Variants in IGFBPL1 observed in about 807,000 individuals in gnomAD.
IGFBPL1 encodes the protein insulin-like growth factor-binding protein-like 1.
In IGFBPL1, 20 loss-of-function variants were observed where a neutral mutation model predicts 23.9. That is an observed-to-expected ratio of 0.84 (90% CI 0.59 to 1.22). IGFBPL1 has a LOEUF of 1.22. Among genes scored for constraint, IGFBPL1 ranks in the 50% most tolerant of loss-of-function variants. IGFBPL1 has a pLI of 0.00. For missense variants in IGFBPL1, 436 were observed against 379.3 expected, an observed-to-expected ratio of 1.15 and a Z score of -1.24; for synonymous variants, 184 against 171.8, an observed-to-expected ratio of 1.07 and a Z score of -0.56.
rs1342310498 is a variant in IGFBPL1 at position 38,414,150 on chromosome 9, C to T, written c.514G>A (p.Val172Met). 7.4e-6 allele frequency: 12 copies of T among 1,612,346 alleles called. No homozygotes were observed. Among genetic ancestry groups the T allele is most frequent in the Admixed American group, 1.7e-5 (1 of 59,732 alleles). The change falls in exon 2 of 5, where the codon GTG becomes ATG. Residue 172 changes from valine (V) to methionine (M), a missense_variant. Physicochemically the swap from Val to Met is conservative, Grantham distance 21 (BLOSUM62 1). Transcript: ENST00000377694. ...RSVHNVTGAQVGLSCEVRAVP... is the reference protein window; with the variant it reads ...RSVHNVTGAQMGLSCEVRAVP... ...GCCCTCACTTCACAGGACAGGCCCA[C>T]CTGCGCCCCGGTGACGTTGTGAACA...
rs766425983 is a variant in IGFBPL1, at chr9:38,413,003, C to T, written c.687+234G>A. 5.9e-5 allele frequency among the ~76,000 whole-genome samples: 9 copies of T among 152,158 alleles called. No individual in the cohort carries two copies. In the South Asian group the frequency reaches 1.7e-3, roughly 28 times the overall value. On this transcript the variant is annotated intron_variant, in intron 3 of 4. Coordinates refer to ENST00000377694, the MANE Select transcript of IGFBPL1 (RefSeq NM_001007563.3). ...CACCACCTTGCCATGTAACATCGTACGGTTCTGGGGGTGAGGACGTGGTGG... is the reference window on the plus strand; with the variant it reads ...CACCACCTTGCCATGTAACATCGTATGGTTCTGGGGGTGAGGACGTGGTGG...
Position 38,413,778 on chromosome 9 carries a change from T to C in IGFBPL1, c.570+316A>G, listed in dbSNP as rs181897222. 2.6e-5 allele frequency among the ~76,000 whole-genome samples: 4 copies of C among 152,112 alleles called. No homozygotes were observed. The South Asian group carries it at 8.3e-4, about 32-fold the overall frequency. On this transcript the variant is annotated intron_variant, in intron 2 of 4. Transcript: ENST00000377694. ...AAGTGAAGCAGGATACACACACACA[T>C]GGCCACCGCAGCTGAAGCAGACTGG...
In IGFBPL1 at chr9:38,411,537, G is replaced by A. The variant is rs375493692; in HGVS notation, c.700C>T (p.Arg234Ter). The stretch of plus-strand genomic sequence containing the variant: ...TGGTACACACCCTCATCCTCCTTTC[G>A]CAGGGGGTTGATCTAGAAATACAAC... ...ATAWILINPL[R>*]KEDEGVYQCH... The change falls in exon 4 of 5, where the codon CGA becomes TGA. Residue 234 changes from arginine to a stop codon, truncating the protein, a stop_gained. Coordinates refer to ENST00000377694, the MANE Select transcript of IGFBPL1 (RefSeq NM_001007563.3). LOFTEE classifies it high-confidence loss of function. The A allele has an allele frequency of 2.5e-5, 40 of 1,613,632 alleles. No individual in the cohort carries two copies. The highest frequency in any genetic ancestry group is 2.0e-4 in the Admixed American group (12 of 59,934).
intron 1 of IGFBPL1, among the ~76,000 whole-genome samples, chr9:38,422,797 C>T (rs1414821041): frequency 3.9e-5 from 6 of 152,192 alleles, no homozygotes; most frequent in Non-Finnish European, 5.9e-5. Flanking sequence ...CAACCCATTG[C>T]GTCTCCTGGA....
At chr9:38,411,320 A>G (rs1587412389) in intron 4 of IGFBPL1, 71 bp downstream of exon 4, 1 of 1,319,660 alleles carries the variant, frequency 7.6e-7, no homozygotes, top group East Asian at 2.4e-5. Context: ...TTTTTTTTAC[A>G]GGTCTTATAA....
intron 1 of IGFBPL1, 123 bp from the exon 2 acceptor site, chr9:38,414,326 C>T (rs369042320): frequency 3.3e-5 from 20 of 599,790 alleles, no homozygotes; most frequent in South Asian, 1.2e-4. Flanking sequence ...CGGCACATCA[C>T]GCTTGGGCAG....
At chr9:38,412,977 C>A (rs570662960) in intron 3 of IGFBPL1, among the ~76,000 whole-genome samples, 1 of 152,308 alleles carries the variant, frequency 6.6e-6, no homozygotes, top group African/African-American at 2.4e-5. Flanking sequence ...AACCTCCCTC[C>A]CACCACCTTG....
intron 1 of IGFBPL1, among the ~76,000 whole-genome samples, chr9:38,420,003 C>T (rs1821657809): frequency 6.6e-6 from 1 of 152,126 alleles, no homozygotes; most frequent in African/African-American, 2.4e-5. Flanking sequence ...AATCCTCCTG[C>T]CTCAGCCTCC....
At chr9:38,410,284 C>T (rs1307746208) in intron 4 of IGFBPL1, among the ~76,000 whole-genome samples, 1 of 152,072 alleles carries the variant, frequency 6.6e-6, no homozygotes, top group African/African-American at 2.4e-5. Flanking sequence ...AGATCAAGAC[C>T]ATCCTGGCTA....
intron 2 of IGFBPL1, 143 bp from the exon 3 acceptor site, chr9:38,413,496 A>T (rs566779238): frequency 4.8e-5 from 28 of 584,854 alleles, no homozygotes; most frequent in Non-Finnish European, 8.2e-5. Context: ...ATGCCTATGC[A>T]AATGACATCA....
intron 4 of IGFBPL1, among the ~76,000 whole-genome samples, chr9:38,410,356 G>A (rs916489630): frequency 2.6e-5 from 4 of 151,996 alleles, no homozygotes; most frequent in Admixed American, 6.6e-5. Context: ...GGTGGCGGGT[G>A]CCTGTAGTCC....
rs191769564 is a variant in IGFBPL1, at chr9:38,406,702, G to T, written c.*2525C>A. 6.6e-6 allele frequency among the ~76,000 whole-genome samples: 1 copy of T among 152,276 alleles called. No homozygotes were observed. Among genetic ancestry groups the T allele is most frequent in the East Asian group, 1.9e-4 (1 of 5,182 alleles). On this transcript the variant is annotated 3_prime_UTR_variant, in exon 5 of 5. Transcript: ENST00000377694. ...TCTTAGCCTCTGAAGAGGTCTCTGG[G>T]CGCTCACACTTGAAAAACCATGAGG...
chr9:38,421,124 C>T (rs1821671469), intron 1 of IGFBPL1, among the ~76,000 whole-genome samples: 1 of 151,692 alleles, frequency 6.6e-6, no homozygotes, highest in African/African-American at 2.4e-5. Context: ...AAGATCCTGT[C>T]TCTACAAAAA....
In IGFBPL1 at chr9:38,408,013, T is replaced by G. The variant is rs1423782946; in HGVS notation, c.*1214A>C. On this transcript the variant is annotated 3_prime_UTR_variant, in exon 5 of 5. Coordinates refer to ENST00000377694, the MANE Select transcript of IGFBPL1 (RefSeq NM_001007563.3). ...TCAAAATGTTTGTAGGTAAAATATATTCTACTACAATCTAATTCCACAGTC... is the reference window on the plus strand; with the variant it reads ...TCAAAATGTTTGTAGGTAAAATATAGTCTACTACAATCTAATTCCACAGTC... Among the ~76,000 whole-genome samples, 1 of 152,052 alleles carries G rather than the reference T, an allele frequency of 6.6e-6. No homozygotes were observed. Among genetic ancestry groups the G allele is most frequent in the African/African-American group, 2.4e-5 (1 of 41,400 alleles).
chr9:38,424,179 G>T lies in IGFBPL1; in HGVS notation c.246C>A (p.Gly82=). 4 of 1,163,658 alleles carry T rather than the reference G, an allele frequency of 3.4e-6. No homozygotes were observed. Among genetic ancestry groups the T allele is most frequent in the Non-Finnish European group, 4.2e-6 (4 of 945,550 alleles). The allele number at this position is 1,163,658 out of a possible 1,614,324, so 72.1% of individuals were successfully genotyped here. A position where few individuals can be genotyped will look rare whatever the true frequency, so the allele number is the denominator to read the frequency against. ...AEGASCGGRA[G]GRCGPGLVCA... is the part of the protein sequence containing the mutation. ...ATACCAGGCCGGGGCCACAGCGCCC[G>T]CCGGCGCGGCCCCCGCAGCTCGCGC... Residue 82 remains glycine (G), a synonymous_variant, in exon 1 of 5, where the codon GGC becomes GGA. Transcript: ENST00000377694.
intron 1 of IGFBPL1, among the ~76,000 whole-genome samples, chr9:38,421,135 A>T (rs1821671659): frequency 6.6e-6 from 1 of 151,948 alleles, no homozygotes; most frequent in Admixed American, 6.6e-5. Flanking sequence ...TCTACAAAAA[A>T]TTCTAAAAAT....
At chr9:38,411,194 A>G (rs1225103155) in intron 4 of IGFBPL1, among the ~76,000 whole-genome samples, 197 bp downstream of exon 4, 1 of 152,236 alleles carries the variant, frequency 6.6e-6, no homozygotes, top group Non-Finnish European at 1.5e-5. Context: ...TTGCATGCTA[A>G]GAAGCTCAGA....
chr9:38,413,293 T>G lies in IGFBPL1; in HGVS notation c.631A>C (p.Ile211Leu). Residue 211 changes from isoleucine to leucine, a missense_variant, in exon 3 of 5, where the codon ATA (isoleucine) becomes CTA (leucine). By Grantham distance (5) the Ile-to-Leu change is conservative. Coordinates refer to ENST00000377694, the MANE Select transcript of IGFBPL1 (RefSeq NM_001007563.3). ...LEELPGDHVN[I>L]AVQVRGGPSD... ...GGGCCCCCTCGCACTTGGACAGCTA[T>G]ATTGACATGGTCCCCAGGCAGCTCC... 6.2e-7 allele frequency: 1 copy of G among 1,614,132 alleles called. No homozygotes were observed. Among genetic ancestry groups the G allele is most frequent in the Non-Finnish European group, 8.5e-7 (1 of 1,179,996 alleles).
chr9:38,423,782 G>T, intron 1 of IGFBPL1, among the ~76,000 whole-genome samples, 183 bp downstream of exon 1: 1 of 152,200 alleles, frequency 6.6e-6, no homozygotes, highest in African/African-American at 2.4e-5. Flanking sequence ...AGTGAGTGGC[G>T]TCTCCAAGGA....
Sources: gnomAD v4.1 joint callset for allele counts (sites outside exome capture counted in the v4.1 genomes callset) on GRCh38, gnomAD v4.1.1 for gene constraint, MANE v1.5 for transcripts, NCBI Gene and HGNC (gene_info 2026-07-23, HGNC 2026-07-21) for gene names.